The following DYNLL1 variants were observed in gnomAD, a reference collection of about 807,000 sequenced individuals.
DYNLL1 encodes the protein dynein light chain LC8-type 1, also known as dynein light chain 1, cytoplasmic.
A neutral mutation model predicts 10.1 loss-of-function variants in DYNLL1; 3 were observed. The ratio of observed to expected loss-of-function variants is 0.30; its 90% CI spans 0.14 to 0.77. The LOEUF is 0.77. Ranked by LOEUF, DYNLL1 falls within the 30% of genes least tolerant of loss-of-function variation. The pLI is 0.66. For missense variants in DYNLL1, 47 were observed against 111.7 expected (o/e 0.42, Z 2.61); for synonymous variants, 46 against 41.2 (o/e 1.12, Z -0.45).
chr12:120,477,926 T>A (rs1342290349), intron 1 of DYNLL1, among the ~76,000 whole-genome samples: 1 of 151,808 alleles, frequency 6.6e-6, no homozygotes, highest in Non-Finnish European at 1.5e-5. Context: ...TAGCTGAGAT[T>A]ACAGGCATAC....
At chr12:120,491,956 G>A (rs1160637115), upstream of DYNLL1, 2 of 152,268 alleles carry the variant, frequency 1.3e-5, no homozygotes, top group African/African-American at 2.4e-5. Flanking sequence ...TACTCTGTTC[G>A]GAGGCATCAA....
chr12:120,496,115 A>T lies in DYNLL1; in HGVS notation c.-108A>T, dbSNP rs946124658. The T allele has an allele frequency of 2.1e-6, 1 of 486,048 alleles. No homozygotes were observed. The highest frequency in any genetic ancestry group is 3.6e-5 in the Admixed American group (1 of 27,524). 30.1% of individuals were successfully genotyped at this position (486,048 alleles called of 1,614,324 possible). A position where few individuals can be genotyped will look rare whatever the true frequency, so the allele number is the denominator to read the frequency against. On this transcript the variant is annotated 5_prime_UTR_variant, in exon 1 of 3. An upstream start codon of the reference 5' UTR is lost. Coordinates refer to ENST00000242577, the MANE Select transcript of DYNLL1 (RefSeq NM_003746.3). ...CGGCGGCTGGCGTGGGGCTGCTTAG[A>T]TGCGCCACGGTTTCGGTAGCGACGG...
Position 120,497,749 on chromosome 12 carries a change from C to T in DYNLL1, c.133-324C>T, listed in dbSNP as rs575260039. ...TCTCTACACAGAACATGATAAACTA[C>T]ACCTGTTGATGTCACCGTCTGTCAA... On this transcript the variant is annotated intron_variant, in intron 2 of 2. Transcript: ENST00000242577. 32 of 253,940 alleles carry T rather than the reference C, an allele frequency of 1.3e-4. No homozygotes were observed. In the South Asian group the frequency reaches 1.6e-3, roughly 12 times the overall value. 15.7% of individuals were successfully genotyped at this position (253,940 alleles called of 1,614,324 possible).
At chr12:120,485,467 G>A (rs556045930) in intron 1 of DYNLL1, among the ~76,000 whole-genome samples, 2 of 151,688 alleles carry the variant, frequency 1.3e-5, no homozygotes, top group African/African-American at 4.8e-5. Flanking sequence ...TCTTGGCCAG[G>A]CTGGTCTTGA....
At chr12:120,474,886 T>G (rs1469172978) in intron 1 of DYNLL1, among the ~76,000 whole-genome samples, 2 of 152,214 alleles carry the variant, frequency 1.3e-5, no homozygotes, top group African/African-American at 4.8e-5. Flanking sequence ...GGGAGCTTTC[T>G]CTGTCATTCT....
chr12:120,485,213 T>C (rs1260336533), intron 1 of DYNLL1, among the ~76,000 whole-genome samples: 1 of 150,686 alleles, frequency 6.6e-6, no homozygotes, highest in Non-Finnish European at 1.5e-5. Context: ...GGACCCCATC[T>C]TTAAAAATAC....
chr12:120,477,086 C>T (rs1362312813), intron 1 of DYNLL1, among the ~76,000 whole-genome samples: 1 of 151,970 alleles, frequency 6.6e-6, no homozygotes, highest in Non-Finnish European at 1.5e-5. Flanking sequence ...CCTGCCACCA[C>T]ACTTGGATAA....
chr12:120,470,582 C>G lies in DYNLL1; in HGVS notation c.-7+478C>G, dbSNP rs148352333. Among the ~76,000 whole-genome samples the G allele has an allele frequency of 3.6e-3, 542 of 152,286 alleles. 4 individuals carry two copies. The highest frequency in any genetic ancestry group is 0.012 in the African/African-American group (512 of 41,572). ...CGCTGGACTCAGGTGATCCTCCCAC[C>G]TCGGGGCGCCGTGAGGGGTCTGCGC... On this transcript the variant is annotated intron_variant, in intron 1 of 2. Transcript: ENST00000392509.
At chr12:120,471,255 C>G (rs1416106486) in intron 1 of DYNLL1, among the ~76,000 whole-genome samples, 1 of 151,020 alleles carries the variant, frequency 6.6e-6, no homozygotes, top group Non-Finnish European at 1.5e-5. Context: ...CGCCTGTAGT[C>G]CCAGCTGCTT....
chr12:120,496,117 G>C lies in DYNLL1; in HGVS notation c.-106G>C. 2.0e-6 allele frequency: 1 copy of C among 493,542 alleles called. No homozygotes were observed. The highest frequency in any genetic ancestry group is 3.7e-5 in the East Asian group (1 of 26,794). 30.6% of individuals were successfully genotyped at this position (493,542 alleles called of 1,614,324 possible). A position where few individuals can be genotyped will look rare whatever the true frequency, so the allele number is the denominator to read the frequency against. On this transcript the variant is annotated 5_prime_UTR_variant, in exon 1 of 3. The change abolishes an upstream ATG in the 5' untranslated region. Transcript: ENST00000242577. The stretch of plus-strand genomic sequence containing the variant: ...GCGGCTGGCGTGGGGCTGCTTAGAT[G>C]CGCCACGGTTTCGGTAGCGACGGTA...
At chr12:120,476,391 A>C (rs564148347) in intron 1 of DYNLL1, among the ~76,000 whole-genome samples, 1 of 152,092 alleles carries the variant, frequency 6.6e-6, no homozygotes, top group East Asian at 1.9e-4. Flanking sequence ...ATGCTAACAC[A>C]TGCCCAGTGG....
chr12:120,489,921 G>T (rs563898891), intron 1 of DYNLL1, among the ~76,000 whole-genome samples: 2 of 152,238 alleles, frequency 1.3e-5, no homozygotes, highest in Admixed American at 1.3e-4. Context: ...CTAATTTTTT[G>T]TATTTTAGTA....
chr12:120,493,911 AC>A (rs1879200566), upstream of DYNLL1: 1 of 151,556 alleles, frequency 6.6e-6, no homozygotes, highest in Admixed American at 6.6e-5. Flanking sequence ...GAGCCACCAC[AC>A]CCGGCCATAT....
chr12:120,483,463 TCAAGGAAAA>T (rs1878929166), intron 1 of DYNLL1, among the ~76,000 whole-genome samples: 1 of 152,018 alleles, frequency 6.6e-6, no homozygotes, highest in African/African-American at 2.4e-5. Context: ...TATACACAAG[TCAAGGAAAA>T]CTTCTAGATC....
intron 1 of DYNLL1, among the ~76,000 whole-genome samples, chr12:120,472,138 T>C (rs1878664624): frequency 6.6e-6 from 1 of 152,122 alleles, no homozygotes; most frequent in South Asian, 2.1e-4. Flanking sequence ...AAAGTGGTGT[T>C]TAATGTATAC....
chr12:120,498,018 C>G, intron 2 of DYNLL1, 55 bp from the exon 3 acceptor site: 1 of 1,561,356 alleles, frequency 6.4e-7, no homozygotes, highest in Non-Finnish European at 8.7e-7. Flanking sequence ...ATCCAAGAGG[C>G]AAACACTGAC....
intron 2 of DYNLL1, chr12:120,496,814 A>G (rs931474951): frequency 1.7e-6 from 1 of 604,754 alleles, no homozygotes; most frequent in Non-Finnish European, 2.9e-6. Context: ...ATCTAAGATC[A>G]GGGAGCAGCG....
chr12:120,490,075 C>T (rs1200530305), intron 1 of DYNLL1, among the ~76,000 whole-genome samples: 4 of 152,208 alleles, frequency 2.6e-5, no homozygotes, highest in African/African-American at 4.8e-5. Flanking sequence ...ATCCATTGCC[C>T]TTATCAGAGA....
In DYNLL1 at chr12:120,489,085, G is replaced by C. The variant is rs563760370; in HGVS notation, c.-6-7331G>C. Among the ~76,000 whole-genome samples, 8 of 152,248 alleles carry C rather than the reference G, an allele frequency of 5.3e-5. No homozygotes were observed. In the South Asian group the frequency reaches 1.5e-3, roughly 28 times the overall value. ...ATCTCTGTACCTAGCACCTAGCTCC[G>C]GGCCTGGCCCATAGTAAACGCTCAG... On this transcript the variant is annotated intron_variant, in intron 1 of 2. Transcript: ENST00000392509.
Sources: allele counts gnomAD v4.1 joint callset (sites outside exome capture counted in the v4.1 genomes callset), GRCh38; gene constraint gnomAD v4.1.1; transcripts MANE v1.5; gene names NCBI Gene and HGNC (gene_info 2026-07-23, HGNC 2026-07-21).